Variants in SMOC2 observed in about 807,000 individuals in gnomAD.
SMOC2 encodes SPARC related modular calcium binding 2.
A neutral mutation model predicts 61.4 loss-of-function variants in SMOC2; 39 were observed. The observed-to-expected ratio is 0.64, with a 90% CI of 0.49 to 0.83. The LOEUF (loss-of-function observed/expected upper bound fraction) is 0.83, where lower values mean the gene tolerates loss of function less well. SMOC2 is among the 40% of genes least tolerant of loss of function. SMOC2 has a pLI of 0.00. For missense variants in SMOC2, 556 were observed against 592.9 expected (o/e 0.94, Z 0.65); for synonymous variants, 247 against 239.9 (o/e 1.03, Z -0.27).
intron 2 of SMOC2, among the ~76,000 whole-genome samples, chr6:168,524,526 C>G (rs1393173866): frequency 6.6e-6 from 1 of 152,210 alleles, no homozygotes; most frequent in Non-Finnish European, 1.5e-5. Context: ...GCTTTCTTGG[C>G]ATGTTCCATG....
chr6:168,634,748 A>G (rs541478929), intron 9 of SMOC2, among the ~76,000 whole-genome samples: 1 of 152,342 alleles, frequency 6.6e-6, no homozygotes, highest in South Asian at 2.1e-4. Context: ...AGTTACAGAA[A>G]TGGGCCATCG....
chr6:168,660,625 A>G (rs1197646155), intron 11 of SMOC2, among the ~76,000 whole-genome samples: 3 of 152,204 alleles, frequency 2.0e-5, no homozygotes, highest in Non-Finnish European at 4.4e-5. Context: ...CTGGGCGGGA[A>G]GGCAGGTTCA....
intron 1 of SMOC2, among the ~76,000 whole-genome samples, chr6:168,442,321 C>G (rs2114985446): frequency 6.6e-6 from 1 of 152,342 alleles, no homozygotes; most frequent in Non-Finnish European, 1.5e-5. Flanking sequence ...AGCCTTGGCC[C>G]GGCCAACGCA....
chr6:168,549,328 C>G, intron 7 of SMOC2, 125 bp downstream of exon 7: 1 of 766,786 alleles, frequency 1.3e-6, no homozygotes, highest in South Asian at 1.7e-5. Context: ...GTGAGGGGTG[C>G]AGACCTGGCA....
chr6:168,547,176 C>T lies in SMOC2; in HGVS notation c.562+7C>T, dbSNP rs760613287. 2.5e-5 allele frequency: 41 copies of T among 1,613,446 alleles called. No homozygotes were observed. Among genetic ancestry groups the T allele is most frequent in the South Asian group, 1.5e-4 (14 of 91,062 alleles). The stretch of plus-strand genomic sequence containing the variant: ...CCTCAAGGAGATGAAGAAGGTGAGC[C>T]GGGGTGGGGATTGCACAGTCTGGGT... On this transcript the variant is annotated splice_region_variant and intron_variant, in intron 6 of 12. Transcript: ENST00000356284.
At chr6:168,595,490 G>C (rs1785306024) in intron 7 of SMOC2, among the ~76,000 whole-genome samples, 1 of 152,204 alleles carries the variant, frequency 6.6e-6, no homozygotes, top group Admixed American at 6.5e-5. Context: ...CTGCGTTCTG[G>C]GGTGCCCCAG....
chr6:168,478,398 A>G (rs1782136937), intron 1 of SMOC2, among the ~76,000 whole-genome samples: 1 of 152,196 alleles, frequency 6.6e-6, no homozygotes, highest in African/African-American at 2.4e-5. Context: ...AAGTCTTTAA[A>G]TGTGTGGAGA....
chr6:168,585,433 A>G (rs943054244), intron 7 of SMOC2, among the ~76,000 whole-genome samples: 1 of 152,218 alleles, frequency 6.6e-6, no homozygotes, highest in Non-Finnish European at 1.5e-5. Context: ...TGCAGATACC[A>G]CAGCTTATTT....
chr6:168,618,677 A>T (rs1786165647), intron 9 of SMOC2, among the ~76,000 whole-genome samples: 2 of 152,132 alleles, frequency 1.3e-5, no homozygotes, highest in Admixed American at 1.3e-4. Context: ...GGGAATGACG[A>T]TGGAAGGGCT....
At chr6:168,591,147 G>C (rs1785172816) in intron 7 of SMOC2, among the ~76,000 whole-genome samples, 1 of 152,204 alleles carries the variant, frequency 6.6e-6, no homozygotes, top group Non-Finnish European at 1.5e-5. Flanking sequence ...ATTGGAATGG[G>C]AATCACATTG....
At chr6:168,515,409 G>A (rs969914822) in intron 2 of SMOC2, among the ~76,000 whole-genome samples, 3 of 152,070 alleles carry the variant, frequency 2.0e-5, no homozygotes, top group Non-Finnish European at 4.4e-5. Context: ...CCTTCTGATA[G>A]TCTAGATTTG....
intron 9 of SMOC2, among the ~76,000 whole-genome samples, chr6:168,639,950 C>T (rs1786850394): frequency 6.6e-6 from 1 of 152,116 alleles, no homozygotes; most frequent in Admixed American, 6.5e-5. Flanking sequence ...CTCTGAGGAG[C>T]TACGGGTGTG....
At chr6:168,641,304 G>A (rs34149403) in intron 9 of SMOC2, among the ~76,000 whole-genome samples, 8,710 of 152,076 alleles carry the variant, frequency 0.057, 319 homozygotes, top group East Asian at 0.13. Flanking sequence ...TCAAGCCTGC[G>A]AAACCTGAAG....
chr6:168,625,756 C>T (rs1562390864), intron 9 of SMOC2, among the ~76,000 whole-genome samples: 1 of 152,212 alleles, frequency 6.6e-6, no homozygotes, highest in Non-Finnish European at 1.5e-5. Context: ...TGCGCCTGTC[C>T]ACACCCAGAC....
intron 4 of SMOC2, among the ~76,000 whole-genome samples, chr6:168,532,135 ATGG>A (rs1783620182): frequency 1.3e-5 from 2 of 152,096 alleles, no homozygotes; most frequent in African/African-American, 4.8e-5. Context: ...GGATCTGTAG[ATGG>A]CTTTAGGGCA....
chr6:168,527,714 G>A lies in SMOC2; in HGVS notation c.450G>A (p.Thr150=), dbSNP rs1001617738. Residue 150 remains threonine (T), a synonymous_variant, in exon 4 of 13, where the codon ACG becomes ACA. Transcript: ENST00000356284. ...PISGTAVAHK[T]PRCPGSVNEK... ...GCGGCACTGCCGTGGCCCACAAGAC[G>A]CCCCGGTGCCCGGGTAGGTCTGACG... 1.4e-5 allele frequency: 21 copies of A among 1,550,850 alleles called. No homozygotes were observed. Among genetic ancestry groups the A allele is most frequent in the East Asian group, 2.4e-5 (1 of 40,998 alleles).
chr6:168,557,232 T>C lies in SMOC2; in HGVS notation c.637+8029T>C, dbSNP rs150748012. 1.1e-4 allele frequency among the ~76,000 whole-genome samples: 17 copies of C among 152,316 alleles called. No homozygotes were observed. In the East Asian group the frequency reaches 1.4e-3, roughly 12 times the overall value. On this transcript the variant is annotated intron_variant, in intron 7 of 12. Coordinates refer to ENST00000356284, the MANE Select transcript of SMOC2 (RefSeq NM_001166412.2). ...AGACACCAATTAGATTTGTAAGTTA[T>C]TAATTTTTGGTCATTTGAAGAGATT...
chr6:168,599,924 CCT>C (rs1383412960), intron 8 of SMOC2, among the ~76,000 whole-genome samples: 1 of 148,574 alleles, frequency 6.7e-6, no homozygotes, highest in African/African-American at 2.5e-5. Context: ...CACACACTCC[CCT>C]CTCATACACA....
Position 168,665,947 on chromosome 6 carries a change from AG to A in SMOC2, c.1324-473del, listed in dbSNP as rs200531585. The stretch of plus-strand genomic sequence containing the variant: ...CTAAATTACTTTTAATTGAAAGTCA[AG>A]ATGCTGAGTTACAGTTGTTTATCAT... On this transcript the variant is annotated intron_variant, in intron 12 of 12. Transcript: ENST00000356284. Among the ~76,000 whole-genome samples, 659 of 152,250 alleles carry A rather than the reference AG, an allele frequency of 4.3e-3. 4 individuals are homozygous for A. Among genetic ancestry groups the A allele is most frequent in the African/African-American group, 0.015 (622 of 41,562 alleles).
Sources: allele counts gnomAD v4.1 joint callset (sites outside exome capture counted in the v4.1 genomes callset), GRCh38; gene constraint gnomAD v4.1.1; transcripts MANE v1.5; gene names NCBI Gene and HGNC (gene_info 2026-07-23, HGNC 2026-07-21).